SMYD3: variants seen among roughly 807,000 people sequenced by gnomAD.
The protein encoded by SMYD3 is histone-lysine N-methyltransferase SMYD3.
SMYD3 carries 36 observed loss-of-function variants against 57.7 expected under a neutral mutation model. The observed-to-expected ratio is 0.62, with a 90% CI of 0.48 to 0.82. The LOEUF (loss-of-function observed/expected upper bound fraction) is 0.82. Ranked by LOEUF, SMYD3 falls within the 40% of genes least tolerant of loss-of-function variation. The pLI is 0.00. For missense variants in SMYD3, 515 were observed against 538.8 expected (o/e 0.96, Z 0.44); for synonymous variants, 211 against 195.0 (o/e 1.08, Z -0.68).
intron 5 of SMYD3, among the ~76,000 whole-genome samples, chr1:246,095,870 G>C (rs2060904405): frequency 6.6e-6 from 1 of 152,104 alleles, no homozygotes; most frequent in Non-Finnish European, 1.5e-5. Flanking sequence ...GCAAGACCCT[G>C]TGTCAAAAAA....
intron 5 of SMYD3, among the ~76,000 whole-genome samples, chr1:245,958,603 A>G (rs999295127): frequency 1.3e-5 from 2 of 152,202 alleles, no homozygotes; most frequent in African/African-American, 4.8e-5. Flanking sequence ...GTAGCAAAGT[A>G]CATACCCCTA....
At chr1:246,270,233 C>T (rs2064195579) in intron 5 of SMYD3, among the ~76,000 whole-genome samples, 1 of 152,128 alleles carries the variant, frequency 6.6e-6, no homozygotes, top group African/African-American at 2.4e-5. Flanking sequence ...CATGCATTTA[C>T]ATCAAACCAT....
chr1:246,192,094 T>C (rs1420015921), intron 5 of SMYD3, among the ~76,000 whole-genome samples: 2 of 152,166 alleles, frequency 1.3e-5, no homozygotes, highest in Non-Finnish European at 2.9e-5. Context: ...GTGGCTTTTG[T>C]TGTTGTTTTT....
intron 10 of SMYD3, among the ~76,000 whole-genome samples, chr1:245,773,329 A>G (rs1446361503): frequency 6.6e-6 from 1 of 152,220 alleles, no homozygotes; most frequent in East Asian, 1.9e-4. Context: ...GCATCCAATA[A>G]TGAACCAAAC....
chr1:246,068,378 A>C (rs1329964740), intron 5 of SMYD3, among the ~76,000 whole-genome samples: 1 of 152,148 alleles, frequency 6.6e-6, no homozygotes, highest in African/African-American at 2.4e-5. Context: ...TGCTTGCTTC[A>C]AATCTATGTT....
At chr1:245,918,217 C>A (rs993847930) in intron 7 of SMYD3, among the ~76,000 whole-genome samples, 2 of 152,198 alleles carry the variant, frequency 1.3e-5, no homozygotes, top group African/African-American at 4.8e-5. Context: ...CAGACAATGA[C>A]GTTACTGAGT....
intron 5 of SMYD3, among the ~76,000 whole-genome samples, chr1:246,008,612 C>T (rs375207248): frequency 1.2e-4 from 19 of 152,072 alleles, no homozygotes; most frequent in African/African-American, 4.1e-4. Context: ...GGGGAGTAGC[C>T]GTACCTCTGA....
intron 1 of SMYD3, among the ~76,000 whole-genome samples, chr1:246,493,996 T>C (rs190158470): frequency 1.3e-5 from 2 of 152,286 alleles, no homozygotes; most frequent in East Asian, 3.9e-4. Context: ...TCACTTCACA[T>C]CTAGAATAAC....
intron 5 of SMYD3, among the ~76,000 whole-genome samples, chr1:245,992,957 A>G (rs957693286): frequency 1.4e-5 from 2 of 140,184 alleles, no homozygotes; most frequent in African/African-American, 5.0e-5. Context: ...GGCCACTTCT[A>G]GAATGGCGGT....
At chr1:246,404,415 C>T (rs1237810264) in intron 1 of SMYD3, among the ~76,000 whole-genome samples, 17 of 152,216 alleles carry the variant, frequency 1.1e-4, no homozygotes, top group Admixed American at 1.1e-3. Flanking sequence ...CACTAGAAGA[C>T]TTCACATACG....
At chr1:246,177,393 C>G (rs75702712) in intron 5 of SMYD3, among the ~76,000 whole-genome samples, 1 of 152,096 alleles carries the variant, frequency 6.6e-6, no homozygotes, top group Non-Finnish European at 1.5e-5. Context: ...ACCAAGTTAC[C>G]CCTTCAATTG....
At chr1:246,369,145 T>C (rs1175322735) in intron 1 of SMYD3, among the ~76,000 whole-genome samples, 1 of 152,166 alleles carries the variant, frequency 6.6e-6, no homozygotes, top group East Asian at 1.9e-4. Context: ...AAAAACTTAA[T>C]ATCATGCTTG....
In SMYD3 at chr1:245,797,908, G is replaced by A. The variant is rs902354419; in HGVS notation, c.1077-33759C>T. ...TGGTCTGCTTCTTATGTGTTCTAGG[G>A]AATTTTATTTTCAAAAGCTACAAAG... On this transcript the variant is annotated intron_variant, in intron 10 of 11. Coordinates refer to ENST00000490107, the MANE Select transcript of SMYD3 (RefSeq NM_001167740.2). 3.1e-4 allele frequency among the ~76,000 whole-genome samples: 47 copies of A among 150,470 alleles called. 1 individual carries two copies. The highest frequency in any genetic ancestry group is 6.4e-4 in the South Asian group (3 of 4,724).
intron 1 of SMYD3, among the ~76,000 whole-genome samples, chr1:246,382,143 A>G (rs1204650047): frequency 3.3e-5 from 4 of 120,684 alleles, no homozygotes; most frequent in African/African-American, 6.5e-5. Context: ...GGCCAACCGC[A>G]GGCTCCGGGC....
chr1:246,303,089 A>T (rs2064920453), intron 5 of SMYD3, among the ~76,000 whole-genome samples: 1 of 152,236 alleles, frequency 6.6e-6, no homozygotes, highest in Non-Finnish European at 1.5e-5. Context: ...TGAAGAGCAG[A>T]CAGAGTCTAT....
At chr1:245,767,712 G>A (rs2046173736) in intron 10 of SMYD3, among the ~76,000 whole-genome samples, 1 of 152,180 alleles carries the variant, frequency 6.6e-6, no homozygotes, top group African/African-American at 2.4e-5. Flanking sequence ...GAGTGGGAAG[G>A]GAGGTGCACT....
At chr1:246,011,076 A>G (rs771771764) in intron 5 of SMYD3, among the ~76,000 whole-genome samples, 38 of 152,230 alleles carry the variant, frequency 2.5e-4, no homozygotes, top group South Asian at 2.1e-4. Flanking sequence ...TTTAAATCGT[A>G]TTACAAATTT....
intron 5 of SMYD3, among the ~76,000 whole-genome samples, chr1:246,061,352 A>G (rs1242601533): frequency 1.3e-5 from 2 of 152,188 alleles, no homozygotes; most frequent in African/African-American, 2.4e-5. Flanking sequence ...CCTGGAAAAA[A>G]TGTGCTGATA....
chr1:246,473,881 C>T (rs2067992705), intron 1 of SMYD3, among the ~76,000 whole-genome samples: 1 of 152,142 alleles, frequency 6.6e-6, no homozygotes, highest in Non-Finnish European at 1.5e-5. Context: ...GTCTTTGTTG[C>T]CAAATTTTGC....
Sources: gnomAD v4.1 joint callset for allele counts (sites outside exome capture counted in the v4.1 genomes callset) on GRCh38, gnomAD v4.1.1 for gene constraint, MANE v1.5 for transcripts, NCBI Gene and HGNC (gene_info 2026-07-23, HGNC 2026-07-21) for gene names.